Variants in BICRA observed in about 807,000 individuals in gnomAD.
BICRA encodes BRD4 interacting chromatin remodeling complex associated protein, also known as BRD4-interacting chromatin-remodeling complex-associated protein.
A neutral mutation model predicts 96.9 loss-of-function variants in BICRA; 31 were observed. The observed-to-expected ratio is 0.32, with a 90% CI of 0.24 to 0.43. The LOEUF (loss-of-function observed/expected upper bound fraction) is 0.43. Ranked by LOEUF, BICRA falls within the 20% of genes least tolerant of loss-of-function variation. The pLI, the probability that BICRA is intolerant of heterozygous loss-of-function variation, is 1.00. For missense variants in BICRA, 2,283 were observed against 2,190.3 expected, an observed-to-expected ratio of 1.04 and a Z score of -0.84; for synonymous variants, 1,350 against 1,071.8, an observed-to-expected ratio of 1.26 and a Z score of -5.07.
intron 1 of BICRA, among the ~76,000 whole-genome samples, chr19:47,645,330 G>A (rs961827162): frequency 6.6e-6 from 1 of 152,144 alleles, no homozygotes; most frequent in Non-Finnish European, 1.5e-5. Flanking sequence ...CTCTCAGTGA[G>A]ATCCAGGCTA....
In BICRA at chr19:47,665,406, G is replaced by A. The variant is rs1331857217; in HGVS notation, c.-107-5037G>A. On this transcript the variant is annotated intron_variant, in intron 1 of 14. Transcript: ENST00000594866. ...AGTTCCTGTCCTGGGGGACATTTCGGTAGAGGAGACACACAGTAAACAACC... is the reference window on the plus strand; with the variant it reads ...AGTTCCTGTCCTGGGGGACATTTCGATAGAGGAGACACACAGTAAACAACC... 3.3e-5 allele frequency among the ~76,000 whole-genome samples: 5 copies of A among 152,168 alleles called. No homozygotes were observed. The South Asian group carries it at 8.3e-4, about 25-fold the overall frequency.
At chr19:47,679,106 A>C in intron 5 of BICRA, 1 of 408,212 alleles carries the variant, frequency 2.4e-6, no homozygotes. Flanking sequence ...TGCGTTGCCC[A>C]GGCTGGTCTC....
In BICRA at chr19:47,701,945, C is replaced by T. The variant is rs1323974256; in HGVS notation, c.4213C>T (p.Pro1405Ser). 2.8e-6 allele frequency: 4 copies of T among 1,442,488 alleles called. No individual in the cohort carries two copies. The highest frequency in any genetic ancestry group is 3.6e-6 in the Non-Finnish European group (4 of 1,108,168). 89.4% of individuals were successfully genotyped at this position (1,442,488 alleles called of 1,614,324 possible). Residue 1405 changes from proline to serine, a missense_variant, in exon 15 of 15, where the codon CCC (proline) becomes TCC (serine). Pro to Ser is a moderately conservative substitution (Grantham distance 74). Coordinates refer to ENST00000594866, the MANE Select transcript of BICRA (RefSeq NM_001394372.1). The surrounding 1 kb of genome is among the most constrained non-coding windows in gnomAD (Gnocchi z 5.4). ...VGGPGAPEGTPAGRARGGSPA... is the reference protein window; with the variant it reads ...VGGPGAPEGTSAGRARGGSPA... ...GGGCCCTGGCGCGCCGGAGGGGACGCCCGCAGGCAGGGCACGGGGAGGCAG... is the reference window on the plus strand; with the variant it reads ...GGGCCCTGGCGCGCCGGAGGGGACGTCCGCAGGCAGGGCACGGGGAGGCAG...
intron 1 of BICRA, among the ~76,000 whole-genome samples, chr19:47,630,849 C>T (rs528915615): frequency 1.3e-5 from 2 of 152,316 alleles, no homozygotes; most frequent in African/African-American, 4.8e-5. Context: ...CATCATTTCA[C>T]ATTTCCACCT....
intron 7 of BICRA, among the ~76,000 whole-genome samples, chr19:47,693,373 G>A (rs564355998): frequency 7.2e-5 from 11 of 152,340 alleles, no homozygotes; most frequent in South Asian, 2.1e-4. Flanking sequence ...ACGCATGCAC[G>A]CTTGTACCTG....
chr19:47,666,450 G>A (rs10424314), intron 1 of BICRA, among the ~76,000 whole-genome samples: 49,110 of 151,694 alleles, frequency 0.32, 8,483 homozygotes, highest in East Asian at 0.59. Context: ...CAGCTGTTTT[G>A]TATTTTAGTA....
chr19:47,686,034 G>A (rs959575122), intron 7 of BICRA, among the ~76,000 whole-genome samples: 6 of 151,146 alleles, frequency 4.0e-5, no homozygotes, highest in East Asian at 2.0e-4. Context: ...AGGTTCAAGC[G>A]ATTCTCCTGC....
chr19:47,615,022 A>C lies in BICRA; in HGVS notation c.-108+5854A>C, dbSNP rs181682098. 2.0e-5 allele frequency among the ~76,000 whole-genome samples: 3 copies of C among 152,218 alleles called. No homozygotes were observed. In the East Asian group the frequency reaches 5.8e-4, roughly 29 times the overall value. On this transcript the variant is annotated intron_variant, in intron 1 of 14. Transcript: ENST00000594866. ...TTTTGAGACAGAATCTTGCTGTGTC[A>C]CCCAGGCTGGAGTGCAGTGGCGCCA... is the stretch of plus-strand genomic sequence containing the variant.
chr19:47,665,839 A>T (rs1972770399), intron 1 of BICRA, among the ~76,000 whole-genome samples: 1 of 152,182 alleles, frequency 6.6e-6, no homozygotes, highest in Non-Finnish European at 1.5e-5. Context: ...GGATTCAAAG[A>T]ACCCTGGTAC....
chr19:47,663,435 T>G (rs1025876865), intron 1 of BICRA: 1 of 152,156 alleles, frequency 6.6e-6, no homozygotes. Flanking sequence ...TCAACCATCC[T>G]CTGCTGGTGG....
rs757107695 is a variant in BICRA at position 47,681,210 on chromosome 19, G to T, written c.2040G>T (p.Gly680=). The change falls in exon 6 of 15, where the codon GGG becomes GGT. Residue 680 remains glycine (G), a synonymous_variant. Transcript: ENST00000594866. ...LASSPEKIVL[G]QPPSATPTAI... is the part of the protein sequence containing the mutation. ...CTAGCCCGGAGAAGATCGTCCTGGG[G>T]CAGCCGCCCTCTGCCACCCCCACGG... is the stretch of plus-strand genomic sequence containing the variant. 2.6e-6 allele frequency: 4 copies of T among 1,535,114 alleles called. No individual in the cohort carries two copies. Among genetic ancestry groups the T allele is most frequent in the Non-Finnish European group, 3.5e-6 (4 of 1,145,974 alleles).
At chr19:47,645,112 C>T (rs192814452) in intron 1 of BICRA, among the ~76,000 whole-genome samples, 1 of 152,184 alleles carries the variant, frequency 6.6e-6, no homozygotes, top group Admixed American at 6.5e-5. Flanking sequence ...GTTCTACTAA[C>T]GTCCCTCAGA....
chr19:47,681,284 G>C lies in BICRA; in HGVS notation c.2106+8G>C. 6.5e-7 allele frequency: 1 copy of C among 1,543,344 alleles called. No individual in the cohort carries two copies. The highest frequency in any genetic ancestry group is 8.7e-7 in the Non-Finnish European group (1 of 1,150,138). On this transcript the variant is annotated splice_region_variant and intron_variant, in intron 6 of 14. Coordinates refer to ENST00000594866, the MANE Select transcript of BICRA (RefSeq NM_001394372.1). ...CAGATGTTCCTGCCCCAGGTAAGCA[G>C]GGCGGGGCAAGGGAGCAGGTACCGG...
At chr19:47,686,448 A>G (rs1973160211) in intron 7 of BICRA, among the ~76,000 whole-genome samples, 1 of 151,654 alleles carries the variant, frequency 6.6e-6, no homozygotes, top group African/African-American at 2.4e-5. Flanking sequence ...TAGTGGCACT[A>G]TCTCGGCTCA....
intron 1 of BICRA, among the ~76,000 whole-genome samples, chr19:47,669,079 G>T (rs1237118487): frequency 6.6e-6 from 1 of 151,840 alleles, no homozygotes; most frequent in Non-Finnish European, 1.5e-5. Flanking sequence ...ACTCCAGCCT[G>T]GGTGATAGAG....
In BICRA at chr19:47,698,850, C is replaced by T. The variant is rs888904961; in HGVS notation, c.3397+68C>T. 49 of 1,424,986 alleles carry T rather than the reference C, an allele frequency of 3.4e-5. No individual in the cohort carries two copies. The highest frequency in any genetic ancestry group is 4.6e-5 in the Non-Finnish European group (48 of 1,032,842). The allele number at this position is 1,424,986 out of a possible 1,614,324, so 88.3% of individuals were successfully genotyped here. A position where few individuals can be genotyped will look rare whatever the true frequency, so the allele number is the denominator to read the frequency against. ...CCCAGCCCGTGGGGCGGGGCGTCGC[C>T]AGTGTGGAGCCGCAGGTCCACGGTG... On this transcript the variant is annotated intron_variant, in intron 12 of 14. Coordinates refer to ENST00000594866, the MANE Select transcript of BICRA (RefSeq NM_001394372.1). The surrounding 1 kb of genome is among the most constrained non-coding windows in gnomAD (Gnocchi z 4.8).
chr19:47,678,869 GTTCTTTT>G (rs1972980747), intron 5 of BICRA: 1 of 193,448 alleles, frequency 5.2e-6, no homozygotes, highest in Non-Finnish European at 1.0e-5. Context: ...CAGGTGGAAT[GTTCTTTT>G]TTCTTTTTTT....
chr19:47,635,244 C>T (rs1017668782), intron 1 of BICRA, among the ~76,000 whole-genome samples: 2 of 146,404 alleles, frequency 1.4e-5, no homozygotes, highest in African/African-American at 5.0e-5. Context: ...CTGTCCATTT[C>T]TAGGATTTTT....
chr19:47,691,136 G>A (rs1289384096), intron 7 of BICRA, among the ~76,000 whole-genome samples: 1 of 152,176 alleles, frequency 6.6e-6, no homozygotes, highest in Non-Finnish European at 1.5e-5. Flanking sequence ...CACTGATCTG[G>A]AGAACCTGCT....
Sources: allele counts gnomAD v4.1 joint callset (sites outside exome capture counted in the v4.1 genomes callset), GRCh38; gene constraint gnomAD v4.1.1; non-coding constraint Gnocchi (gnomAD v3.1); transcripts MANE v1.5; gene names NCBI Gene and HGNC (gene_info 2026-07-23, HGNC 2026-07-21).